ADGRB3: variants seen among roughly 807,000 people sequenced by gnomAD.
ADGRB3 encodes adhesion G protein-coupled receptor B3.
Under a neutral mutation model 193.4 loss-of-function variants are expected in ADGRB3, and 37 were observed. That is an observed-to-expected ratio of 0.19 (90% CI 0.15 to 0.25). The LOEUF is 0.25. Among genes scored for constraint, ADGRB3 ranks in the 10% least tolerant of loss-of-function variants. The probability of loss-of-function intolerance (pLI) is 1.00; values close to 1 mark genes in which losing one functional copy is unlikely to be tolerated. For missense variants in ADGRB3, 1,637 were observed against 1,852.9 expected, an observed-to-expected ratio of 0.88 and a Z score of 2.14; for synonymous variants, 690 against 644.2, an observed-to-expected ratio of 1.07 and a Z score of -1.08.
chr6:69,180,792 A>G (rs1212684971), intron 17 of ADGRB3, among the ~76,000 whole-genome samples: 5 of 152,298 alleles, frequency 3.3e-5, no homozygotes, highest in Non-Finnish European at 7.4e-5. Context: ...CCGACTCCAG[A>G]GTACGTACTC....
intron 3 of ADGRB3, among the ~76,000 whole-genome samples, chr6:68,685,380 A>G (rs771685284): frequency 1.3e-5 from 2 of 152,132 alleles, no homozygotes; most frequent in Non-Finnish European, 2.9e-5. Context: ...TTGAGAAATT[A>G]AAAATATGAG....
intron 3 of ADGRB3, among the ~76,000 whole-genome samples, chr6:68,773,964 G>GT (rs555770137): frequency 1.6e-4 from 25 of 152,182 alleles, no homozygotes; most frequent in Middle Eastern, 3.4e-3. Flanking sequence ...AGGTGGGGCT[G>GT]TCCATGTATT....
chr6:69,154,551 G>C (rs1331000837), intron 17 of ADGRB3, among the ~76,000 whole-genome samples: 2 of 152,048 alleles, frequency 1.3e-5, no homozygotes, highest in Non-Finnish European at 2.9e-5. Context: ...GAATAATTTT[G>C]TTCATATACT....
At chr6:69,243,299 T>G (rs1433932426) in intron 20 of ADGRB3, among the ~76,000 whole-genome samples, 2 of 151,910 alleles carry the variant, frequency 1.3e-5, no homozygotes, top group African/African-American at 4.8e-5. Context: ...AGGAACAAAA[T>G]CTATTCAGGA....
chr6:69,330,360 C>A, intron 22 of ADGRB3, 146 bp from the exon 23 acceptor site: 1 of 464,104 alleles, frequency 2.2e-6, no homozygotes, highest in Non-Finnish European at 3.8e-6. Context: ...TTTTTTTCTA[C>A]ATCTTCTATG....
chr6:68,953,281 C>T (rs1208115704), intron 6 of ADGRB3, among the ~76,000 whole-genome samples: 1 of 152,146 alleles, frequency 6.6e-6, no homozygotes, highest in Non-Finnish European at 1.5e-5. Context: ...TCACATAGTC[C>T]TTTATTCTAG....
At chr6:69,242,489 TTGA>T (rs2127262195) in intron 20 of ADGRB3, among the ~76,000 whole-genome samples, 1 of 152,052 alleles carries the variant, frequency 6.6e-6, no homozygotes, top group East Asian at 1.9e-4. Flanking sequence ...GTATCTGATG[TTGA>T]TGTACAGAAT....
chr6:69,094,963 G>A (rs760588985), intron 17 of ADGRB3, among the ~76,000 whole-genome samples: 22 of 152,172 alleles, frequency 1.4e-4, no homozygotes, highest in African/African-American at 4.8e-4. Flanking sequence ...CTTAAGCTAC[G>A]TGAAGAGAAC....
At chr6:68,660,806 T>G (rs140834063) in intron 3 of ADGRB3, among the ~76,000 whole-genome samples, 3 of 151,140 alleles carry the variant, frequency 2.0e-5, no homozygotes, top group Non-Finnish European at 4.5e-5. Flanking sequence ...TGCCATAAGT[T>G]TCTTGTCTTC....
chr6:69,122,715 T>C (rs1251699549), intron 17 of ADGRB3, among the ~76,000 whole-genome samples: 1 of 151,916 alleles, frequency 6.6e-6, no homozygotes. Context: ...ATTCAAGCTA[T>C]TTGCTAAGAC....
In ADGRB3 at chr6:69,361,209, C is replaced by A; in HGVS notation, c.3936C>A (p.Pro1312=). ...TGGAAAGTGACTATATTGTGATGCC[C>A]AGAAGTTCTGTAAATAACCAGCCTT... is the stretch of plus-strand genomic sequence containing the variant. ...RMMESDYIVM[P]RSSVNNQPSM... The change falls in exon 29 of 32, where the codon CCC becomes CCA. Residue 1312 remains proline (P), a synonymous_variant. Coordinates refer to ENST00000370598, the MANE Select transcript of ADGRB3 (RefSeq NM_001704.3). The A allele has an allele frequency of 6.2e-7, 1 of 1,612,562 alleles. No homozygotes were observed.
chr6:68,965,929 AATCTCT>A (rs1196030143), intron 8 of ADGRB3, among the ~76,000 whole-genome samples: 7 of 152,164 alleles, frequency 4.6e-5, no homozygotes, highest in Non-Finnish European at 1.0e-4. Context: ...AATTAAAACA[AATCTCT>A]ATCTCTAGCT....
chr6:69,091,475 T>G (rs1772706288), intron 17 of ADGRB3, among the ~76,000 whole-genome samples: 1 of 152,144 alleles, frequency 6.6e-6, no homozygotes, highest in African/African-American at 2.4e-5. Flanking sequence ...AAGAATGAGA[T>G]CATGTTCTTT....
chr6:69,043,702 C>G (rs750225433), intron 13 of ADGRB3, among the ~76,000 whole-genome samples: 2 of 152,144 alleles, frequency 1.3e-5, no homozygotes, highest in Non-Finnish European at 2.9e-5. Flanking sequence ...TTTTTACTCT[C>G]CAACAGCTCA....
chr6:69,118,907 A>T lies in ADGRB3; in HGVS notation c.2480+42869A>T, dbSNP rs193042731. Among the ~76,000 whole-genome samples, 62 of 152,250 alleles carry T rather than the reference A, an allele frequency of 4.1e-4. 1 individual carries two copies. Among genetic ancestry groups the T allele is most frequent in the East Asian group, 3.9e-3 (20 of 5,188 alleles). Reference sequence around the variant, plus strand: ...TTACTCTTTGGTAACAATATTCTAAATTTTTCCTCTTATAATGAAGAGTAT... The same window carrying T: ...TTACTCTTTGGTAACAATATTCTAATTTTTTCCTCTTATAATGAAGAGTAT... On this transcript the variant is annotated intron_variant, in intron 17 of 31. Transcript: ENST00000370598.
chr6:68,967,413 T>TG (rs969916956), intron 8 of ADGRB3, among the ~76,000 whole-genome samples: 13 of 152,056 alleles, frequency 8.5e-5, no homozygotes, highest in Non-Finnish European at 1.3e-4. Flanking sequence ...TAGGGCACAT[T>TG]GGGGGATTCT....
chr6:68,676,661 G>A (rs2127296282), intron 3 of ADGRB3, among the ~76,000 whole-genome samples: 1 of 152,244 alleles, frequency 6.6e-6, no homozygotes, highest in Admixed American at 6.5e-5. Flanking sequence ...TTTCCAGCTA[G>A]ACTGTGTAAT....
chr6:69,251,573 A>G (rs1244833114), intron 20 of ADGRB3, among the ~76,000 whole-genome samples: 1 of 152,138 alleles, frequency 6.6e-6, no homozygotes, highest in Admixed American at 6.6e-5. Flanking sequence ...TAGGGAGGAG[A>G]TATTATAAGA....
intron 22 of ADGRB3, 151 bp downstream of exon 22, chr6:69,328,040 T>G (rs1203804143): frequency 7.4e-6 from 4 of 538,142 alleles, no homozygotes; most frequent in Non-Finnish European, 1.2e-5. Flanking sequence ...GTAGCTTAAA[T>G]CTACAAAGGT....
Sources: allele counts gnomAD v4.1 joint callset (sites outside exome capture counted in the v4.1 genomes callset), GRCh38; gene constraint gnomAD v4.1.1; transcripts MANE v1.5; gene names NCBI Gene and HGNC (gene_info 2026-07-23, HGNC 2026-07-21).